TTC9B: variants seen among roughly 807,000 people sequenced by gnomAD.
The protein encoded by TTC9B is tetratricopeptide repeat protein 9B.
Under a neutral mutation model 19.4 loss-of-function variants are expected in TTC9B, and 12 were observed. That is an observed-to-expected ratio of 0.62 (90% confidence interval 0.40 to 1.00). TTC9B has a LOEUF of 1.00. Ranked by LOEUF, TTC9B falls within the 50% of genes least tolerant of loss-of-function variation. The probability of loss-of-function intolerance (pLI) is 0.00; values close to 1 mark genes in which losing one functional copy is unlikely to be tolerated. For synonymous variants in TTC9B, 156 were observed against 158.6 expected, an observed-to-expected ratio of 0.98 and a Z score of 0.12; for missense variants, 316 against 345.2, an observed-to-expected ratio of 0.92 and a Z score of 0.67.
In TTC9B at chr19:40,218,300, G is replaced by A; in HGVS notation, c.82C>T (p.Pro28Ser). ...CCCGAGCCTGGGCCCGAGCCCGGTG[G>A]GGAGAGGGCGGGAGGCGGGCGCGGC... ...PPPRPPPALS[P>S]PGSGPGSGSR... The change falls in exon 1 of 3, where the codon CCA (proline) becomes TCA (serine). Residue 28 changes from proline to serine, a missense_variant. Transcript: ENST00000311308. The surrounding 1 kb of genome is among the most constrained non-coding windows in gnomAD (Gnocchi z 4.2). 1 of 1,393,652 alleles carries A rather than the reference G, an allele frequency of 7.2e-7. No homozygotes were observed. The highest frequency in any genetic ancestry group is 3.1e-5 in the East Asian group (1 of 32,706). The allele number at this position is 1,393,652 out of a possible 1,614,324, so 86.3% of individuals were successfully genotyped here.
chr19:40,217,076 C>T, intron 2 of TTC9B, 111 bp downstream of exon 2: 1 of 1,253,912 alleles, frequency 8.0e-7, no homozygotes, highest in East Asian at 2.6e-5. Flanking sequence ...AGCAGCTCCG[C>T]GGGAGGAGGG....
At position 40,217,943 on chromosome 19, in the gene TTC9B, C is replaced by G. The variant is rs1435876415; in HGVS notation, c.427+12G>C. The G allele has an allele frequency of 2.0e-6, 3 of 1,480,262 alleles. No individual in the cohort carries two copies. In the African/African-American group the frequency reaches 4.4e-5, roughly 22 times the overall value. 91.7% of individuals were successfully genotyped at this position (1,480,262 alleles called of 1,614,324 possible). ...CCCTCGTGCCCCATCCCCCCACCCC[C>G]CGACGGCGTACCCGTGAGGGAGTCG... is the stretch of plus-strand genomic sequence containing the variant. On this transcript the variant is annotated intron_variant, in intron 1 of 2. Transcript: ENST00000311308.
Position 40,216,276 on chromosome 19 carries a change from C to T in TTC9B, c.611-4G>A. ...ATGTAGCGGAGCACATTGGTGTCTG[C>T]AGGGGAGGTGGGCAGGGCATCATCT... On this transcript the variant is annotated splice_polypyrimidine_tract_variant and splice_region_variant and intron_variant, in intron 2 of 2. Coordinates refer to ENST00000311308, the MANE Select transcript of TTC9B (RefSeq NM_152479.6). The T allele has an allele frequency of 6.2e-7, 1 of 1,613,210 alleles. No individual in the cohort carries two copies. The highest frequency in any genetic ancestry group is 1.1e-5 in the South Asian group (1 of 91,048).
chr19:40,217,489 C>G, intron 1 of TTC9B, 120 bp from the exon 2 acceptor site: 1 of 1,264,658 alleles, frequency 7.9e-7, no homozygotes, highest in Non-Finnish European at 1.1e-6. Context: ...GCTCCGGCAA[C>G]CAGGGGCGCC....
In TTC9B at chr19:40,218,239, G is replaced by C; in HGVS notation, c.143C>G (p.Pro48Arg). 6.5e-7 allele frequency: 1 copy of C among 1,537,536 alleles called. No individual in the cohort carries two copies. Among genetic ancestry groups the C allele is most frequent in the Non-Finnish European group, 8.7e-7 (1 of 1,150,610 alleles). The stretch of plus-strand genomic sequence containing the variant: ...CGCGCCCAGGCTCCCCGACGGCTCT[G>C]GGGTAGGACCGGGACGAGCCGAGCC... The part of the protein sequence containing the change: ...RHGSARPGPT[P>R]EPSGSLGAAL... The change falls in exon 1 of 3, where the codon CCA becomes CGA. Residue 48 changes from proline (P) to arginine (R), a missense_variant. Coordinates refer to ENST00000311308, the MANE Select transcript of TTC9B (RefSeq NM_152479.6). This position sits in a 1 kb window ranked among gnomAD's most constrained non-coding sequence, Gnocchi z 4.2.
In TTC9B at chr19:40,217,440, C is replaced by T. The variant is rs1973384573; in HGVS notation, c.428-71G>A. The stretch of plus-strand genomic sequence containing the variant: ...CCAGAACCCACCTGACTGCGAGGAG[C>T]CGAGGCTCCAGGCGGCAGGGAACCA... On this transcript the variant is annotated intron_variant, in intron 1 of 2. Transcript: ENST00000311308. 5 of 1,542,014 alleles carry T rather than the reference C, an allele frequency of 3.2e-6. No homozygotes were observed. The African/African-American group carries it at 5.5e-5, about 17-fold the overall frequency.
intron 2 of TTC9B, 163 bp downstream of exon 2, chr19:40,217,024 T>G: frequency 1.4e-6 from 1 of 699,398 alleles, no homozygotes; most frequent in Non-Finnish European, 2.3e-6. Context: ...AATGGATGAG[T>G]GGGCGTGTAG....
chr19:40,216,961 AG>A lies in TTC9B; in HGVS notation c.610+225del. The A allele has an allele frequency of 5.1e-6, 3 of 593,400 alleles. No individual in the cohort carries two copies. The South Asian group carries it at 6.1e-5, about 12-fold the overall frequency. The allele number at this position is 593,400 out of a possible 1,614,324, so 36.8% of individuals were successfully genotyped here. The stretch of plus-strand genomic sequence containing the variant: ...TGAGAAATGGCCGGGGAGATGTCAG[AG>A]GAGCGATAGGTGGACGGATGTTTGA... On this transcript the variant is annotated intron_variant, in intron 2 of 2. Coordinates refer to ENST00000311308, the MANE Select transcript of TTC9B (RefSeq NM_152479.6).
chr19:40,217,365 G>A lies in TTC9B; in HGVS notation c.432C>T (p.Cys144=), dbSNP rs753663169. 3.1e-6 allele frequency: 5 copies of A among 1,610,238 alleles called. No individual in the cohort carries two copies. The highest frequency in any genetic ancestry group is 4.2e-6 in the Non-Finnish European group (5 of 1,177,250). ...EVECYDSLTA[C]LLQSELVNYE... is the part of the protein sequence containing the mutation. The stretch of plus-strand genomic sequence containing the variant: ...AGTTTACCAGCTCCGACTGCAGCAG[G>A]CAAGCTGCGAGGGCCCCGCGGCCGG... Residue 144 remains cysteine, a synonymous_variant, in exon 2 of 3, where the codon TGC becomes TGT. Transcript: ENST00000311308.
At position 40,216,246 on chromosome 19, in the gene TTC9B, G is replaced by T; in HGVS notation, c.637C>A (p.Leu213Met). 6.2e-7 allele frequency: 1 copy of T among 1,614,152 alleles called. No homozygotes were observed. Among genetic ancestry groups the T allele is most frequent in the Non-Finnish European group, 8.5e-7 (1 of 1,180,018 alleles). Residue 213 changes from leucine to methionine, a missense_variant, in exon 3 of 3, where the codon CTG becomes ATG. By Grantham distance (15) the Leu-to-Met change is conservative. Transcript: ENST00000311308. ...TDTNVLRYIQ[L>M]TQLKMNRCSL... is the part of the protein sequence containing the mutation. ...CAACGATTCATCTTCAGCTGAGTCA[G>T]CTGGATGTAGCGGAGCACATTGGTG...
intron 1 of TTC9B, 56 bp downstream of exon 1, chr19:40,217,899 C>A (rs1973391763): frequency 1.1e-5 from 15 of 1,361,558 alleles, no homozygotes; most frequent in South Asian, 1.5e-5. Context: ...AGTCGCCAAG[C>A]TCTCCCGATT....
At chr19:40,217,141 C>T (rs200956054) in intron 2 of TTC9B, 46 bp downstream of exon 2, 1 of 1,569,824 alleles carries the variant, frequency 6.4e-7, no homozygotes, top group South Asian at 1.1e-5. Context: ...AGCCCCTTTC[C>T]CCGCCCTGGG....
At chr19:40,217,812 T>G in intron 1 of TTC9B, 143 bp downstream of exon 1, 1 of 729,990 alleles carries the variant, frequency 1.4e-6, no homozygotes, top group Non-Finnish European at 2.0e-6. Flanking sequence ...CCTAATCCCT[T>G]TCCTTGATCA....
chr19:40,216,435 C>T, intron 2 of TTC9B, 163 bp from the exon 3 acceptor site: 1 of 617,594 alleles, frequency 1.6e-6, no homozygotes. Flanking sequence ...GTCGGCAGTC[C>T]CCAGTCACAG....
chr19:40,217,389 G>C lies in TTC9B; in HGVS notation c.428-20C>G. On this transcript the variant is annotated intron_variant, in intron 1 of 2. Coordinates refer to ENST00000311308, the MANE Select transcript of TTC9B (RefSeq NM_152479.6). ...GGCAAGCTGCGAGGGCCCCGCGGCC[G>C]GCACTCTCAGAGCCTGCTGGCACCC... 1 of 1,606,242 alleles carries C rather than the reference G, an allele frequency of 6.2e-7. No individual in the cohort carries two copies. The highest frequency in any genetic ancestry group is 8.5e-7 in the Non-Finnish European group (1 of 1,175,094).
chr19:40,218,285 G>A lies in TTC9B; in HGVS notation c.97C>T (p.Pro33Ser). The A allele has an allele frequency of 2.1e-6, 3 of 1,435,252 alleles. No homozygotes were observed. Among genetic ancestry groups the A allele is most frequent in the Non-Finnish European group, 2.7e-6 (3 of 1,100,708 alleles). 88.9% of individuals were successfully genotyped at this position (1,435,252 alleles called of 1,614,324 possible). Residue 33 changes from proline to serine, a missense_variant, in exon 1 of 3, where the codon CCA becomes TCA. Coordinates refer to ENST00000311308, the MANE Select transcript of TTC9B (RefSeq NM_152479.6). This position sits in a 1 kb window ranked among gnomAD's most constrained non-coding sequence, Gnocchi z 4.2. Reference protein sequence around the residue: ...PPALSPPGSGPGSGSRHGSAR... With the variant: ...PPALSPPGSGSGSGSRHGSAR... ...GAGCCATGGCGGGAGCCCGAGCCTG[G>A]GCCCGAGCCCGGTGGGGAGAGGGCG...
At chr19:40,217,004 G>T in intron 2 of TTC9B, 183 bp downstream of exon 2, 1 of 637,076 alleles carries the variant, frequency 1.6e-6, no homozygotes, top group Non-Finnish European at 2.7e-6. Flanking sequence ...GGTGAAGGGC[G>T]GGGTGGATGA....
chr19:40,218,024 C>T lies in TTC9B; in HGVS notation c.358G>A (p.Ala120Thr). The T allele has an allele frequency of 6.7e-7, 1 of 1,488,038 alleles. No individual in the cohort carries two copies. The highest frequency in any genetic ancestry group is 1.3e-5 in the South Asian group (1 of 78,142). The allele number at this position is 1,488,038 out of a possible 1,614,324, so 92.2% of individuals were successfully genotyped here. The change falls in exon 1 of 3, where the codon GCG (alanine) becomes ACG (threonine). Residue 120 changes from alanine (A) to threonine (T), a missense_variant. By Grantham distance (58) the Ala-to-Thr change is moderately conservative. Coordinates refer to ENST00000311308, the MANE Select transcript of TTC9B (RefSeq NM_152479.6). The surrounding 1 kb of genome is among the most constrained non-coding windows in gnomAD (Gnocchi z 4.2). ...CGCCGCTGCTCCTCGCTGAGGCGCG[C>T]CGGCCCGGGGCTGCTGGTGGGCCCG... The part of the protein sequence containing the change: ...APGPTSSPGP[A>T]RLSEEQRRLV...
At chr19:40,217,026 G>A (rs1211115007) in intron 2 of TTC9B, 161 bp downstream of exon 2, 4 of 712,784 alleles carry the variant, frequency 5.6e-6, no homozygotes, top group Non-Finnish European at 9.1e-6. Flanking sequence ...TGGATGAGTG[G>A]GCGTGTAGGG....
Sources: gnomAD v4.1 joint callset for allele counts on GRCh38, gnomAD v4.1.1 for gene constraint, Gnocchi (gnomAD v3.1) non-coding constraint, MANE v1.5 for transcripts, NCBI Gene and HGNC (gene_info 2026-07-23, HGNC 2026-07-21) for gene names.